Variants in VPS13C observed in about 807,000 individuals in gnomAD.
VPS13C encodes intermembrane lipid transfer protein VPS13C.
A neutral mutation model predicts 456.8 loss-of-function variants in VPS13C; 358 were observed. The ratio of observed to expected loss-of-function variants is 0.78; its 90% confidence interval spans 0.72 to 0.86. The LOEUF (loss-of-function observed/expected upper bound fraction) is 0.86. Among genes scored for constraint, VPS13C ranks in the 40% least tolerant of loss-of-function variants. The probability of loss-of-function intolerance (pLI) is 0.00; values close to 1 mark genes in which losing one functional copy is unlikely to be tolerated. For synonymous variants in VPS13C, 1,578 were observed against 1,486.7 expected (o/e 1.06, Z -1.41); for missense variants, 4,818 against 4,385.4 (o/e 1.10, Z -2.79).
At chr15:61,886,554 C>T (rs1260700636) in intron 67 of VPS13C, among the ~76,000 whole-genome samples, 1 of 152,042 alleles carries the variant, frequency 6.6e-6, no homozygotes, top group Non-Finnish European at 1.5e-5. Flanking sequence ...TTGTAGTGCA[C>T]TGAGTAGCAA....
At chr15:61,921,234 G>A (rs944886606) in intron 55 of VPS13C, among the ~76,000 whole-genome samples, 6 of 152,168 alleles carry the variant, frequency 3.9e-5, no homozygotes, top group Admixed American at 3.9e-4. Context: ...TTGGAACACA[G>A]GTTAAGTGAC....
chr15:62,049,271 A>C (rs925329346), intron 1 of VPS13C, among the ~76,000 whole-genome samples: 1 of 152,102 alleles, frequency 6.6e-6, no homozygotes, highest in African/African-American at 2.4e-5. Context: ...ATCTTGAATT[A>C]ATTTTTGTAT....
chr15:61,915,178 A>T (rs946973417), intron 61 of VPS13C, among the ~76,000 whole-genome samples: 7 of 152,178 alleles, frequency 4.6e-5, no homozygotes, highest in Non-Finnish European at 8.8e-5. Context: ...AGGGATACCA[A>T]AATGTGAGCC....
At chr15:62,053,792 T>C (rs896633677) in intron 1 of VPS13C, among the ~76,000 whole-genome samples, 1 of 152,174 alleles carries the variant, frequency 6.6e-6, no homozygotes. Context: ...GCTCCAACAA[T>C]ATCTGGCAGC....
At position 62,007,486 on chromosome 15, in the gene VPS13C, A is replaced by G. The variant is rs1428680115; in HGVS notation, c.1119-7T>C. 14 of 1,555,166 alleles carry G rather than the reference A, an allele frequency of 9.0e-6. No individual in the cohort carries two copies. The highest frequency in any genetic ancestry group is 6.0e-5 in the Admixed American group (3 of 50,170). On this transcript the variant is annotated splice_region_variant and splice_polypyrimidine_tract_variant and intron_variant, in intron 14 of 84. Transcript: ENST00000644861. The stretch of plus-strand genomic sequence containing the variant: ...ATCAATTGCATATTTCCACCTGAAA[A>G]TCAAATTTTGTTAACGTAAATGTTA...
intron 81 of VPS13C, chr15:61,863,880 G>A (rs1894363077): frequency 6.1e-6 from 1 of 165,014 alleles, no homozygotes; most frequent in Non-Finnish European, 1.3e-5. Context: ...TAACATTACA[G>A]GGGATTTGAA....
chr15:61,973,022 A>C (rs1304438812), intron 26 of VPS13C, among the ~76,000 whole-genome samples: 1 of 152,112 alleles, frequency 6.6e-6, no homozygotes, highest in Non-Finnish European at 1.5e-5. Context: ...CTCAATATTC[A>C]ACAAAATATT....
chr15:61,893,391 T>C (rs958207186), intron 66 of VPS13C, among the ~76,000 whole-genome samples: 2 of 152,164 alleles, frequency 1.3e-5, no homozygotes, highest in Non-Finnish European at 2.9e-5. Context: ...AACAAAGCTT[T>C]GTTTCAAACA....
chr15:61,991,119 A>T (rs768732455), intron 17 of VPS13C, 25 bp from the exon 18 acceptor site: 2 of 1,497,470 alleles, frequency 1.3e-6, no homozygotes, highest in Non-Finnish European at 1.8e-6. Context: ...CATTTTAAGA[A>T]ATTAATTGCT....
intron 66 of VPS13C, among the ~76,000 whole-genome samples, chr15:61,893,479 T>G (rs909008728): frequency 5.3e-5 from 8 of 151,510 alleles, no homozygotes; most frequent in African/African-American, 1.7e-4. Flanking sequence ...TTACAAAAAA[T>G]GATAAAAGGA....
rs746439411 is a variant in VPS13C, at chr15:61,946,356, AG to A, written c.4930del (p.Asp1646IlefsTer3). On this transcript the variant is annotated frameshift_variant, in exon 44 of 85. Coordinates refer to ENST00000644861, the MANE Select transcript of VPS13C (RefSeq NM_020821.3). LOFTEE classifies it high-confidence loss of function. ...TACATTCATAACTATAATATCTTTA[AG>A]TCTGGCAAACACATCAGTCTGCTTA... ...KPKQTDVFAR[L>X]KDIIVMNVDL... The A allele has an allele frequency of 2.5e-6, 4 of 1,610,012 alleles. No individual in the cohort carries two copies. In the Admixed American group the frequency reaches 6.7e-5, roughly 27 times the overall value.
chr15:61,999,154 G>T (rs1220040481), intron 16 of VPS13C, among the ~76,000 whole-genome samples: 2 of 152,126 alleles, frequency 1.3e-5, no homozygotes, highest in Admixed American at 6.5e-5. Context: ...CAAGGCGGGT[G>T]GATCACCTGA....
rs779754520 is a variant in VPS13C at position 61,872,039 on chromosome 15, AAG to A, written c.10579-7_10579-6del. The stretch of plus-strand genomic sequence containing the variant: ...AGTCACTCCACCAACAACTCCCTGA[AAG>A]AGAAATCAATCATATAGTTTAGACT... On this transcript the variant is annotated splice_polypyrimidine_tract_variant and splice_region_variant and intron_variant, in intron 78 of 84. Transcript: ENST00000644861. 1 of 1,612,354 alleles carries A rather than the reference AAG, an allele frequency of 6.2e-7. No individual in the cohort carries two copies. The highest frequency in any genetic ancestry group is 1.3e-5 in the African/African-American group (1 of 74,974).
At chr15:62,006,094 ATTC>A (rs1253104458) in intron 15 of VPS13C, among the ~76,000 whole-genome samples, 1 of 122,050 alleles carries the variant, frequency 8.2e-6, no homozygotes, top group Non-Finnish European at 1.8e-5. Flanking sequence ...TTTTAAAGAA[ATTC>A]TTATTTTTTT....
At chr15:62,037,250 TATTTATATATATTATATTATATA>T (rs2048045197) in intron 3 of VPS13C, among the ~76,000 whole-genome samples, 1 of 24,680 alleles carries the variant, frequency 4.1e-5, no homozygotes, top group Non-Finnish European at 7.5e-5. Flanking sequence ...ATATATAATA[TATTTATATATATTATATTATATA>T]ATATATTATA....
chr15:61,914,007 TG>T (rs902646758), intron 61 of VPS13C, among the ~76,000 whole-genome samples: 3 of 152,200 alleles, frequency 2.0e-5, no homozygotes, highest in Admixed American at 1.3e-4. Context: ...AGTTTACTTC[TG>T]GTTCTGGGAT....
chr15:61,991,838 T>C, intron 16 of VPS13C, 36 bp from the exon 17 acceptor site: 1 of 1,594,560 alleles, frequency 6.3e-7, no homozygotes, highest in Middle Eastern at 1.7e-4. Flanking sequence ...ACTTTAAGAA[T>C]GTTGCCCTCT....
At chr15:62,037,433 TA>T in intron 3 of VPS13C, among the ~76,000 whole-genome samples, 1 of 61,846 alleles carries the variant, frequency 1.6e-5, no homozygotes, top group African/African-American at 4.4e-5. Context: ...TATATAAATA[TA>T]ATATATATTA....
intron 82 of VPS13C, among the ~76,000 whole-genome samples, chr15:61,862,539 A>C (rs1894282743): frequency 1.3e-5 from 2 of 152,204 alleles, no homozygotes; most frequent in African/African-American, 2.4e-5. Flanking sequence ...ACAATATCTA[A>C]GACAAAAAAA....
Sources: allele counts gnomAD v4.1 joint callset (sites outside exome capture counted in the v4.1 genomes callset), GRCh38; gene constraint gnomAD v4.1.1; transcripts MANE v1.5; gene names NCBI Gene and HGNC (gene_info 2026-07-23, HGNC 2026-07-21).